The following MROH2A variants were observed in gnomAD, a reference collection of about 807,000 sequenced individuals.
MROH2A encodes maestro heat like repeat family member 2A, also known as maestro heat-like repeat-containing protein family member 2A.
MROH2A carries 174 observed loss-of-function variants against 200.4 expected under a neutral mutation model. The ratio of observed to expected loss-of-function variants is 0.87; its 90% CI spans 0.77 to 0.98. The LOEUF is 0.98. Among genes scored for constraint, MROH2A ranks in the 50% least tolerant of loss-of-function variants. MROH2A has a pLI of 0.00. For missense variants in MROH2A, 2,045 were observed against 2,139.6 expected (o/e 0.96, Z 0.87); for synonymous variants, 829 against 840.4 (o/e 0.99, Z 0.23).
intron 3 of MROH2A, among the ~76,000 whole-genome samples, chr2:233,786,308 C>A (rs1335333119): frequency 6.6e-6 from 1 of 152,222 alleles, no homozygotes; most frequent in Admixed American, 6.5e-5. Flanking sequence ...AAGGTGCCAG[C>A]AAATTTGGTT....
At chr2:233,803,415 A>G (rs1237842416) in intron 15 of MROH2A, 33 bp from the exon 16 acceptor site, 1 of 1,550,374 alleles carries the variant, frequency 6.5e-7, no homozygotes, top group Admixed American at 2.0e-5. Context: ...CAAGCCAGGA[A>G]GGCTCAGCTG....
intron 3 of MROH2A, among the ~76,000 whole-genome samples, chr2:233,784,113 C>T (rs1326341936): frequency 2.0e-5 from 3 of 151,686 alleles, no homozygotes; most frequent in South Asian, 2.1e-4. Flanking sequence ...TTTTTTAGTT[C>T]CTTAATGTGT....
intron 3 of MROH2A, among the ~76,000 whole-genome samples, chr2:233,783,142 A>G (rs940496369): frequency 7.9e-5 from 12 of 152,152 alleles, no homozygotes; most frequent in African/African-American, 2.9e-4. Context: ...GGATTTCTGC[A>G]TCTATGTTCA....
rs5839493 is a variant in MROH2A, at chr2:233,790,284, TTTCCTTCCTTCC to T, written c.571+284_571+295del. On this transcript the variant is annotated intron_variant, in intron 5 of 41. Transcript: ENST00000389758. The stretch of plus-strand genomic sequence containing the variant: ...CTTTCCATCTCTCTTTCTTTTTTAA[TTTCCTTCCTTCC>T]TTCCTTCCTTCCTCTTTCGTTTCCT... Among the ~76,000 whole-genome samples the T allele has an allele frequency of 2.3e-4, 34 of 145,230 alleles. No homozygotes were observed. The South Asian group carries it at 6.2e-3, about 27-fold the overall frequency.
At position 233,803,507 on chromosome 2, in the gene MROH2A, C is replaced by T. The variant is rs1192317102; in HGVS notation, c.1749+19C>T. 6.5e-7 allele frequency: 1 copy of T among 1,550,186 alleles called. No individual in the cohort carries two copies. The highest frequency in any genetic ancestry group is 2.4e-5 in the East Asian group (1 of 40,914). On this transcript the variant is annotated intron_variant, in intron 16 of 41. Coordinates refer to ENST00000389758, the MANE Select transcript of MROH2A (RefSeq NM_001394639.1). The stretch of plus-strand genomic sequence containing the variant: ...TCTCCTGGTGAGTGGCTGACCTGCA[C>T]CATGCCCTGGCCTGGCAAGGCCATG...
chr2:233,790,934 T>C (rs529823569), intron 5 of MROH2A, among the ~76,000 whole-genome samples: 6 of 152,290 alleles, frequency 3.9e-5, no homozygotes, highest in African/African-American at 1.4e-4. Flanking sequence ...GGACCTCATC[T>C]CTGCAGCCCT....
chr2:233,821,347 T>A (rs1251733615), intron 31 of MROH2A, among the ~76,000 whole-genome samples: 10 of 152,052 alleles, frequency 6.6e-5, no homozygotes, highest in Non-Finnish European at 1.5e-4. Flanking sequence ...AGGGTGCTGA[T>A]GAGTGCACTC....
In MROH2A at chr2:233,833,254, T is replaced by C; in HGVS notation, c.5020T>C (p.Ser1674Pro). 6.5e-7 allele frequency: 1 copy of C among 1,536,282 alleles called. No homozygotes were observed. Among genetic ancestry groups the C allele is most frequent in the Non-Finnish European group, 8.7e-7 (1 of 1,142,952 alleles). The change falls in exon 42 of 42, where the codon TCC becomes CCC. Residue 1674 changes from serine (S) to proline (P), a missense_variant. Coordinates refer to ENST00000389758, the MANE Select transcript of MROH2A (RefSeq NM_001394639.1). ...GTTTCTGGCTTCACCCCAAGGAATG[T>C]CCTAGGTGGTCCAAACATAAGACGT... ...HGFLASPQGMS is the reference protein window; with the variant it reads ...HGFLASPQGMP
chr2:233,815,788 GTTATA>G (rs59903323), intron 26 of MROH2A, among the ~76,000 whole-genome samples: 59,976 of 148,274 alleles, frequency 0.4, 13,938 homozygotes, highest in South Asian at 0.57. Context: ...CTCGATTACT[GTTATA>G]TTATAATAAG....
chr2:233,790,135 C>T, intron 5 of MROH2A, 121 bp downstream of exon 5: 1 of 1,008,702 alleles, frequency 9.9e-7, no homozygotes, highest in South Asian at 1.9e-5. Flanking sequence ...TCTCTTTTTC[C>T]CTCTAAAATT....
At chr2:233,822,648 G>A in intron 33 of MROH2A, 92 bp downstream of exon 33, 1 of 1,328,296 alleles carries the variant, frequency 7.5e-7, no homozygotes, top group South Asian at 1.4e-5. Flanking sequence ...CCAGTGAGGG[G>A]CCCTCTGTCT....
intron 5 of MROH2A, among the ~76,000 whole-genome samples, chr2:233,791,444 C>T (rs1303213242): frequency 6.6e-6 from 1 of 152,118 alleles, no homozygotes; most frequent in African/African-American, 2.4e-5. Flanking sequence ...GTTGGGAGCT[C>T]AAGTGAAGAA....
chr2:233,819,292 G>A lies in MROH2A; in HGVS notation c.3205-25G>A, dbSNP rs1489300087. 3 of 1,543,110 alleles carry A rather than the reference G, an allele frequency of 1.9e-6. No homozygotes were observed. The South Asian group carries it at 3.6e-5, about 19-fold the overall frequency. On this transcript the variant is annotated intron_variant, in intron 29 of 41. Transcript: ENST00000389758. ...AGTCATGGAGTGGCAGGGGAGGGCA[G>A]GGGAGTCACCCGCTCTGCTCCTAGG... is the stretch of plus-strand genomic sequence containing the variant.
At chr2:233,791,645 C>T (rs922074537) in intron 5 of MROH2A, among the ~76,000 whole-genome samples, 5 of 152,002 alleles carry the variant, frequency 3.3e-5, no homozygotes, top group African/African-American at 1.2e-4. Context: ...GGACCCAGCC[C>T]GGAGGGGTCC....
At chr2:233,819,790 T>G in intron 30 of MROH2A, 112 bp from the exon 31 acceptor site, 1 of 1,231,620 alleles carries the variant, frequency 8.1e-7, no homozygotes, top group East Asian at 2.6e-5. Context: ...GCGCTTAACC[T>G]CCCCATTGTC....
rs1437098439 is a variant in MROH2A at position 233,820,285 on chromosome 2, C to T, written c.3512+229C>T. Among the ~76,000 whole-genome samples the T allele has an allele frequency of 3.3e-5, 5 of 151,940 alleles. No homozygotes were observed. Among genetic ancestry groups the T allele is most frequent in the South Asian group, 2.1e-4 (1 of 4,814 alleles). On this transcript the variant is annotated intron_variant, in intron 31 of 41. Coordinates refer to ENST00000389758, the MANE Select transcript of MROH2A (RefSeq NM_001394639.1). The surrounding 1 kb of genome is among the most constrained non-coding windows in gnomAD (Gnocchi z 4.1). ...GCCACATGGAGCTGGAATCTGGACC[C>T]GTAGCTCCCCACATGCCCGGGACAG...
At position 233,801,637 on chromosome 2, in the gene MROH2A, G is replaced by A. The variant is rs17862891; in HGVS notation, c.1561-531G>A. Among the ~76,000 whole-genome samples, 16 of 152,216 alleles carry A rather than the reference G, an allele frequency of 1.1e-4. No individual in the cohort carries two copies. In the South Asian group the frequency reaches 2.5e-3, roughly 24 times the overall value. ...AATCCCAGCGTTTCACTCTTAAGGCGTTTCACCCACCTATGTTATTGAGGA... is the reference window on the plus strand; with the variant it reads ...AATCCCAGCGTTTCACTCTTAAGGCATTTCACCCACCTATGTTATTGAGGA... On this transcript the variant is annotated intron_variant, in intron 14 of 41. Transcript: ENST00000389758.
At position 233,833,198 on chromosome 2, in the gene MROH2A, TCA is replaced by T. The variant is rs1439240788; in HGVS notation, c.4967_4968del (p.Thr1656SerfsTer4). On this transcript the variant is annotated frameshift_variant, in exon 42 of 42. Transcript: ENST00000389758. LOFTEE classifies it high-confidence loss of function. ...GTCAGGAGGGCAGCCCTGGAGACGCTCACAGTCTTGGATAGCTGTAGTCAGCA... is the reference window on the plus strand; with the variant it reads ...GTCAGGAGGGCAGCCCTGGAGACGCTCAGTCTTGGATAGCTGTAGTCAGCA... 4.2e-5 allele frequency: 65 copies of T among 1,550,390 alleles called. No individual in the cohort carries two copies. Among genetic ancestry groups the T allele is most frequent in the Admixed American group, 1.2e-4 (6 of 50,946 alleles).
chr2:233,822,801 C>A, intron 33 of MROH2A, 80 bp from the exon 34 acceptor site: 1 of 1,513,256 alleles, frequency 6.6e-7, no homozygotes, highest in Non-Finnish European at 8.9e-7. Flanking sequence ...ACTGGGGCCC[C>A]ACTTCACAGA....
Sources: allele counts gnomAD v4.1 joint callset (sites outside exome capture counted in the v4.1 genomes callset), GRCh38; gene constraint gnomAD v4.1.1; non-coding constraint Gnocchi (gnomAD v3.1); transcripts MANE v1.5; gene names NCBI Gene and HGNC (gene_info 2026-07-23, HGNC 2026-07-21).